Variants in SGCD observed in about 807,000 individuals in gnomAD.
SGCD encodes the protein sarcoglycan delta, also known as delta-sarcoglycan.
Under a neutral mutation model 36.6 loss-of-function variants are expected in SGCD, and 18 were observed. That is an observed-to-expected ratio of 0.49 (90% CI 0.34 to 0.73). SGCD has a LOEUF of 0.73. Among genes scored for constraint, SGCD ranks in the 30% least tolerant of loss-of-function variants. The pLI is 0.01. For synonymous variants in SGCD, 133 were observed against 130.6 expected, an observed-to-expected ratio of 1.02 and a Z score of -0.12; for missense variants, 387 against 346.7, an observed-to-expected ratio of 1.12 and a Z score of -0.92.
chr5:156,188,155 G>A (rs1763807537), intron 3 of SGCD, among the ~76,000 whole-genome samples: 1 of 152,084 alleles, frequency 6.6e-6, no homozygotes, highest in Non-Finnish European at 1.5e-5. Flanking sequence ...GCTGGTGGAG[G>A]AAGAAACTCA....
chr5:156,255,161 G>A (rs1420857966), intron 3 of SGCD, among the ~76,000 whole-genome samples: 4 of 152,200 alleles, frequency 2.6e-5, no homozygotes, highest in African/African-American at 9.6e-5. Context: ...TTATATATAT[G>A]CAAATATTCT....
At chr5:156,731,910 G>A (rs112854779) in intron 7 of SGCD, among the ~76,000 whole-genome samples, 1,691 of 152,162 alleles carry the variant, frequency 0.011, 19 homozygotes, top group African/African-American at 0.026. Flanking sequence ...TATTATTTTT[G>A]TGGCAGTTGT....
the SGCD span, among the ~76,000 whole-genome samples, chr5:155,730,475 G>GTGTGTGTGTGTGTGTGTGT: frequency 2.6e-4 from 40 of 151,252 alleles, no homozygotes; most frequent in Non-Finnish European, 3.5e-4. Flanking sequence ...GTGTGTGTGT[G>GTGTGTGTGTGTGTGTGTGT]GCGAGGGGAA....
intron 7 of SGCD, among the ~76,000 whole-genome samples, chr5:156,736,629 G>C (rs760768073): frequency 1.3e-5 from 2 of 152,074 alleles, no homozygotes; most frequent in Non-Finnish European, 2.9e-5. Flanking sequence ...CTGGTTACCT[G>C]AGCCCCATCT....
At chr5:156,149,711 G>T (rs1561540318) in intron 3 of SGCD, among the ~76,000 whole-genome samples, 1 of 152,130 alleles carries the variant, frequency 6.6e-6, no homozygotes, top group Admixed American at 6.5e-5. Flanking sequence ...AGCTGGTGGG[G>T]TGATGTGGGG....
At chr5:155,971,250 A>C (rs986342446) in intron 1 of SGCD, among the ~76,000 whole-genome samples, 3 of 152,160 alleles carry the variant, frequency 2.0e-5, no homozygotes, top group Non-Finnish European at 1.5e-5. Context: ...TTGGCTTTGC[A>C]TGAATTACAT....
the SGCD span, among the ~76,000 whole-genome samples, chr5:155,783,258 C>T: frequency 6.6e-6 from 1 of 152,048 alleles, no homozygotes; most frequent in Admixed American, 6.6e-5. Flanking sequence ...ACTATTAAAG[C>T]TTGGGAGAGC....
chr5:156,421,846 C>G (rs1773325381), intron 3 of SGCD, among the ~76,000 whole-genome samples: 1 of 151,988 alleles, frequency 6.6e-6, no homozygotes, highest in Admixed American at 6.6e-5. Context: ...TCCTAATACC[C>G]AATCTGTGAG....
intron 1 of SGCD, among the ~76,000 whole-genome samples, chr5:156,021,994 C>T (rs534200708): frequency 4.0e-4 from 61 of 152,098 alleles, no homozygotes; most frequent in Non-Finnish European, 7.1e-4. Flanking sequence ...TTTTCATCAC[C>T]CCCAAAAGAA....
chr5:156,289,531 C>A (rs1382384600), intron 3 of SGCD, among the ~76,000 whole-genome samples: 1 of 151,900 alleles, frequency 6.6e-6, no homozygotes, highest in Non-Finnish European at 1.5e-5. Flanking sequence ...TTGTTCAGTT[C>A]CCACTTATAA....
chr5:156,068,137 T>TTTTG (rs1760392378), intron 1 of SGCD, among the ~76,000 whole-genome samples: 1 of 151,942 alleles, frequency 6.6e-6, no homozygotes, highest in Non-Finnish European at 1.5e-5. Flanking sequence ...GTTATTTTAT[T>TTTTG]TTATTTTAAG....
chr5:155,960,618 G>T (rs904686973), intron 1 of SGCD, among the ~76,000 whole-genome samples: 3 of 152,024 alleles, frequency 2.0e-5, no homozygotes, highest in African/African-American at 7.2e-5. Flanking sequence ...GAAAGGAGAG[G>T]CCTTTCAAAG....
intron 7 of SGCD, among the ~76,000 whole-genome samples, chr5:156,722,768 C>T (rs1408718175): frequency 6.6e-6 from 1 of 152,196 alleles, no homozygotes; most frequent in Admixed American, 6.5e-5. Context: ...GACCATTCCA[C>T]TTATGGGATG....
At chr5:155,902,168 C>T (rs914320296) in intron 1 of SGCD, among the ~76,000 whole-genome samples, 1 of 152,210 alleles carries the variant, frequency 6.6e-6, no homozygotes, top group Admixed American at 6.5e-5. Flanking sequence ...AGTCACTTTT[C>T]CACTCTCAGG....
the SGCD span, among the ~76,000 whole-genome samples, chr5:155,778,631 C>CAACCACTAT: frequency 2.0e-5 from 3 of 151,700 alleles, no homozygotes; most frequent in East Asian, 3.9e-4. Flanking sequence ...TAAGCTATTG[C>CAACCACTAT]TTAAAATGCA....
intron 3 of SGCD, among the ~76,000 whole-genome samples, chr5:156,128,708 C>T (rs1762240001): frequency 6.6e-6 from 1 of 152,180 alleles, no homozygotes; most frequent in South Asian, 2.1e-4. Flanking sequence ...CTCTCCCTCT[C>T]TCTCTCTTCT....
chr5:156,380,959 G>A (rs967121308), intron 3 of SGCD, among the ~76,000 whole-genome samples: 12 of 152,168 alleles, frequency 7.9e-5, no homozygotes, highest in East Asian at 3.8e-4. Flanking sequence ...TTGAGACACC[G>A]TTTCAGTAAC....
intron 3 of SGCD, among the ~76,000 whole-genome samples, chr5:156,127,013 A>G (rs971310476): frequency 1.3e-5 from 2 of 152,172 alleles, no homozygotes; most frequent in Non-Finnish European, 1.5e-5. Flanking sequence ...CCACTGCTTA[A>G]CCTGATCTCT....
intron 3 of SGCD, among the ~76,000 whole-genome samples, chr5:156,231,137 TG>T (rs1354469989): frequency 6.6e-6 from 1 of 152,180 alleles, no homozygotes; most frequent in Non-Finnish European, 1.5e-5. Flanking sequence ...TCTAGTTGGG[TG>T]GTTTCAGAGG....
Sources: gnomAD v4.1 joint callset for allele counts (sites outside exome capture counted in the v4.1 genomes callset) on GRCh38, gnomAD v4.1.1 for gene constraint, MANE v1.5 for transcripts, NCBI Gene and HGNC (gene_info 2026-07-23, HGNC 2026-07-21) for gene names.